Variants in SLC8A3 observed in about 807,000 individuals in gnomAD.
SLC8A3 encodes sodium/calcium exchanger 3.
A neutral mutation model predicts 65.4 loss-of-function variants in SLC8A3; 37 were observed. The ratio of observed to expected loss-of-function variants is 0.57; its 90% CI spans 0.44 to 0.74. SLC8A3 has a LOEUF of 0.74. Among genes scored for constraint, SLC8A3 ranks in the 30% least tolerant of loss-of-function variants. SLC8A3 has a pLI of 0.00. For synonymous variants in SLC8A3, 461 were observed against 444.5 expected (o/e 1.04, Z -0.47); for missense variants, 1,112 against 1,172.1 (o/e 0.95, Z 0.75).
At chr14:70,183,015 G>C (rs1882888654) in intron 1 of SLC8A3, among the ~76,000 whole-genome samples, 1 of 152,222 alleles carries the variant, frequency 6.6e-6, no homozygotes, top group Admixed American at 6.5e-5. Context: ...GAAGAATGCT[G>C]ACGAAGCTCA....
intron 2 of SLC8A3, among the ~76,000 whole-genome samples, chr14:70,097,298 A>AAC (rs555619960): frequency 6.6e-6 from 1 of 152,146 alleles, no homozygotes; most frequent in Non-Finnish European, 1.5e-5. Flanking sequence ...AAAAAAAAAA[A>AAC]AAAACACCTC....
At chr14:70,090,634 A>G (rs1243171989) in intron 2 of SLC8A3, among the ~76,000 whole-genome samples, 1 of 152,190 alleles carries the variant, frequency 6.6e-6, no homozygotes, top group Non-Finnish European at 1.5e-5. Flanking sequence ...ACTTGTATAT[A>G]TATAGTGGTT....
chr14:70,138,421 C>T (rs909090374), intron 2 of SLC8A3, among the ~76,000 whole-genome samples: 1 of 152,222 alleles, frequency 6.6e-6, no homozygotes, highest in Non-Finnish European at 1.5e-5. Flanking sequence ...TGCTTCCCAA[C>T]AGACTATAAA....
chr14:70,071,630 A>G (rs1269256971), intron 2 of SLC8A3, among the ~76,000 whole-genome samples: 1 of 152,154 alleles, frequency 6.6e-6, no homozygotes, highest in Non-Finnish European at 1.5e-5. Flanking sequence ...GCCTCCAGAT[A>G]AGATCCCAGC....
chr14:70,112,087 G>A (rs980837511), intron 2 of SLC8A3, among the ~76,000 whole-genome samples: 1 of 152,212 alleles, frequency 6.6e-6, no homozygotes, highest in Non-Finnish European at 1.5e-5. Flanking sequence ...GCAGTACTTT[G>A]GAAGACCTGC....
At chr14:70,153,968 C>T (rs1022208885) in intron 2 of SLC8A3, among the ~76,000 whole-genome samples, 1 of 152,228 alleles carries the variant, frequency 6.6e-6, no homozygotes, top group Non-Finnish European at 1.5e-5. Context: ...GATGAAGTGA[C>T]ACAAACAAGA....
At chr14:70,108,971 C>T (rs1893074883) in intron 2 of SLC8A3, among the ~76,000 whole-genome samples, 1 of 152,258 alleles carries the variant, frequency 6.6e-6, no homozygotes, top group South Asian at 2.1e-4. Flanking sequence ...CAGGTTGCAC[C>T]TTAAATGTTG....
At chr14:70,179,101 G>A (rs576986008) in intron 1 of SLC8A3, among the ~76,000 whole-genome samples, 3 of 152,194 alleles carry the variant, frequency 2.0e-5, no homozygotes, top group East Asian at 3.9e-4. Context: ...TAGGACTTTT[G>A]CATCTACTGT....
At chr14:70,128,047 C>T (rs1265698094) in intron 2 of SLC8A3, among the ~76,000 whole-genome samples, 1 of 152,152 alleles carries the variant, frequency 6.6e-6, no homozygotes, top group Admixed American at 6.5e-5. Flanking sequence ...TCATCATTGG[C>T]CCCCAAAACC....
At chr14:70,114,545 T>C (rs72731804) in intron 2 of SLC8A3, among the ~76,000 whole-genome samples, 36,531 of 152,144 alleles carry the variant, frequency 0.24, 5,057 homozygotes, top group Admixed American at 0.33. Flanking sequence ...GGAAATGCAA[T>C]GGCTGAAATT....
At chr14:70,159,172 G>A (rs1018148928) in intron 2 of SLC8A3, among the ~76,000 whole-genome samples, 1 of 152,122 alleles carries the variant, frequency 6.6e-6, no homozygotes, top group Non-Finnish European at 1.5e-5. Context: ...ACTTTGGGAG[G>A]CCAAGGTGGC....
At chr14:70,163,281 G>C (rs1896986013) in intron 2 of SLC8A3, among the ~76,000 whole-genome samples, 1 of 152,328 alleles carries the variant, frequency 6.6e-6, no homozygotes, top group African/African-American at 2.4e-5. Context: ...CTTGTTAAAA[G>C]TTACTGGTAA....
At chr14:70,136,606 T>C (rs1450681294) in intron 2 of SLC8A3, among the ~76,000 whole-genome samples, 1 of 152,224 alleles carries the variant, frequency 6.6e-6, no homozygotes, top group Non-Finnish European at 1.5e-5. Flanking sequence ...TTCCATGTGT[T>C]CTTGGTCTTT....
intron 2 of SLC8A3, among the ~76,000 whole-genome samples, chr14:70,075,356 G>A (rs755864528): frequency 2.6e-5 from 4 of 152,040 alleles, no homozygotes; most frequent in African/African-American, 4.8e-5. Context: ...CAGCTCCCAC[G>A]TGCCTGCCCA....
Position 70,166,958 on chromosome 14 carries a change from T to C in SLC8A3, c.1465A>G (p.Ile489Val), listed in dbSNP as rs749061851. 10 of 1,614,072 alleles carry C rather than the reference T, an allele frequency of 6.2e-6. No individual in the cohort carries two copies. Among genetic ancestry groups the C allele is most frequent in the Middle Eastern group, 1.6e-4 (1 of 6,082 alleles). The change falls in exon 2 of 7, where the codon ATA (isoleucine) becomes GTA (valine). Residue 489 changes from isoleucine (I) to valine (V), a missense_variant. Coordinates refer to ENST00000356921, the MANE Select transcript of SLC8A3 (RefSeq NM_182932.3). ...CCCTCCTCTGGCTGCTCCTCCTCTA[T>C]GCGGACATTGCTCAACCTTACAAAG... ...HFFVRLSNVR[I>V]EEEQPEEGMP...
chr14:70,137,178 C>T (rs1895258014), intron 2 of SLC8A3, among the ~76,000 whole-genome samples: 1 of 147,766 alleles, frequency 6.8e-6, no homozygotes, highest in South Asian at 2.1e-4. Context: ...TGAAGTCTTG[C>T]TCTGTCACCC....
intron 2 of SLC8A3, among the ~76,000 whole-genome samples, chr14:70,104,597 A>G: frequency 6.6e-6 from 1 of 152,192 alleles, no homozygotes; most frequent in East Asian, 1.9e-4. Context: ...GAAACTTTAT[A>G]ATGTATATAC....
intron 5 of SLC8A3, among the ~76,000 whole-genome samples, chr14:70,050,806 C>A (rs74654621): frequency 0.021 from 3,207 of 152,250 alleles, 47 homozygotes; most frequent in East Asian, 0.042. Flanking sequence ...GTTCACACAG[C>A]AGAACAACGA....
At chr14:70,123,923 G>A (rs1894259894) in intron 2 of SLC8A3, among the ~76,000 whole-genome samples, 1 of 151,818 alleles carries the variant, frequency 6.6e-6, no homozygotes, top group Non-Finnish European at 1.5e-5. Flanking sequence ...CCATTTCCAG[G>A]TCTGGCCTCC....
Sources: gnomAD v4.1 joint callset for allele counts (sites outside exome capture counted in the v4.1 genomes callset) on GRCh38, gnomAD v4.1.1 for gene constraint, MANE v1.5 for transcripts, NCBI Gene and HGNC (gene_info 2026-07-23, HGNC 2026-07-21) for gene names.